Variants in KIFAP3 observed in about 807,000 individuals in gnomAD.
KIFAP3 encodes kinesin associated protein 3.
Under a neutral mutation model 106.5 loss-of-function variants are expected in KIFAP3, and 68 were observed. The ratio of observed to expected loss-of-function variants is 0.64; its 90% CI spans 0.53 to 0.78. The LOEUF is 0.78. Among genes scored for constraint, KIFAP3 ranks in the 30% least tolerant of loss-of-function variants. The pLI is 0.00. For missense variants in KIFAP3, 780 were observed against 941.8 expected (o/e 0.83, Z 2.25); for synonymous variants, 320 against 311.5 (o/e 1.03, Z -0.29).
intron 19 of KIFAP3, among the ~76,000 whole-genome samples, chr1:169,930,665 T>G (rs1385661537): frequency 6.6e-6 from 1 of 152,202 alleles, no homozygotes. Flanking sequence ...GAGAAAAAAT[T>G]GAAATTCCAG....
intron 19 of KIFAP3, among the ~76,000 whole-genome samples, chr1:169,939,197 T>A (rs549243811): frequency 6.6e-6 from 1 of 152,188 alleles, no homozygotes; most frequent in South Asian, 2.1e-4. Flanking sequence ...CAGATGATGG[T>A]GGCATGGAAT....
intron 2 of KIFAP3, among the ~76,000 whole-genome samples, chr1:170,049,185 C>T (rs1670442674): frequency 2.0e-5 from 3 of 152,258 alleles, no homozygotes; most frequent in South Asian, 2.1e-4. Context: ...TAGTTTTCCC[C>T]GGACAGTGCT....
intron 10 of KIFAP3, among the ~76,000 whole-genome samples, chr1:169,997,538 C>T (rs1010625489): frequency 3.3e-5 from 5 of 151,868 alleles, no homozygotes; most frequent in Non-Finnish European, 5.9e-5. Flanking sequence ...AGCCTATGGC[C>T]GAGCCACTTA....
At chr1:169,930,746 GTGTTTTTTTGTCA>G (rs1663417089) in intron 19 of KIFAP3, among the ~76,000 whole-genome samples, 1 of 151,980 alleles carries the variant, frequency 6.6e-6, no homozygotes, top group Non-Finnish European at 1.5e-5. Context: ...ATTCCGGTTG[GTGTTTTTTTGTCA>G]TTGGGGTATT....
intron 19 of KIFAP3, among the ~76,000 whole-genome samples, chr1:169,927,988 A>G (rs1185170909): frequency 6.6e-6 from 1 of 152,212 alleles, no homozygotes; most frequent in Non-Finnish European, 1.5e-5. Flanking sequence ...AATCATGAAC[A>G]CTGAAGAACC....
At chr1:170,014,422 A>G (rs758521873) in intron 10 of KIFAP3, among the ~76,000 whole-genome samples, 1 of 152,214 alleles carries the variant, frequency 6.6e-6, no homozygotes, top group South Asian at 2.1e-4. Flanking sequence ...GCTATGCCTT[A>G]GGTAATGTTT....
At chr1:169,984,547 T>A (rs1159316162) in intron 12 of KIFAP3, 35 bp downstream of exon 12, 1 of 961,336 alleles carries the variant, frequency 1.0e-6, no homozygotes, top group African/African-American at 1.6e-5. Flanking sequence ...AAATACCATA[T>A]GCTAAAAAAG....
chr1:170,054,053 G>A (rs1670714383), intron 2 of KIFAP3, among the ~76,000 whole-genome samples: 1 of 152,134 alleles, frequency 6.6e-6, no homozygotes, highest in Non-Finnish European at 1.5e-5. Flanking sequence ...AGAGTGAACA[G>A]GAAACCTACA....
chr1:170,049,894 G>A (rs185205320), intron 2 of KIFAP3, among the ~76,000 whole-genome samples: 48 of 151,530 alleles, frequency 3.2e-4, no homozygotes, highest in African/African-American at 8.7e-4. Flanking sequence ...AAAAACCAGC[G>A]CAAAAATGCT....
chr1:169,972,970 G>A (rs1479130095), intron 16 of KIFAP3, among the ~76,000 whole-genome samples: 1 of 150,436 alleles, frequency 6.6e-6, no homozygotes, highest in Non-Finnish European at 1.5e-5. Flanking sequence ...TAAAAATTCA[G>A]GAAAACTAAT....
intron 16 of KIFAP3, among the ~76,000 whole-genome samples, chr1:169,974,329 A>G (rs1408554956): frequency 2.0e-5 from 3 of 152,028 alleles, no homozygotes; most frequent in Admixed American, 2.0e-4. Context: ...AAACTCTAGC[A>G]CATGTACACA....
intron 17 of KIFAP3, among the ~76,000 whole-genome samples, chr1:169,963,459 G>T (rs997093343): frequency 6.6e-6 from 1 of 151,956 alleles, no homozygotes; most frequent in East Asian, 1.9e-4. Context: ...TATTCCTTTG[G>T]GTATATACCC....
chr1:170,042,442 A>G (rs1278361158), intron 3 of KIFAP3, among the ~76,000 whole-genome samples: 1 of 152,208 alleles, frequency 6.6e-6, no homozygotes, highest in Non-Finnish European at 1.5e-5. Context: ...AAGGTAAAAA[A>G]TCACTGTCTC....
intron 10 of KIFAP3, among the ~76,000 whole-genome samples, chr1:170,012,097 A>C (rs1490781181): frequency 6.6e-6 from 1 of 152,154 alleles, no homozygotes; most frequent in African/African-American, 2.4e-5. Flanking sequence ...AAAAATATAC[A>C]ATTCAAATAA....
chr1:169,961,673 C>T (rs148222390), intron 17 of KIFAP3, among the ~76,000 whole-genome samples: 138 of 152,196 alleles, frequency 9.1e-4, no homozygotes, highest in Middle Eastern at 6.8e-3. Context: ...AAGCCCTCCT[C>T]TTCTTTCTCC....
intron 9 of KIFAP3, among the ~76,000 whole-genome samples, chr1:170,023,884 G>T (rs891163743): frequency 6.6e-6 from 1 of 151,982 alleles, no homozygotes; most frequent in African/African-American, 2.4e-5. Flanking sequence ...AATAAAGAGG[G>T]TATCAATTAA....
At chr1:169,959,955 GA>G (rs1665233035) in intron 18 of KIFAP3, among the ~76,000 whole-genome samples, 1 of 152,038 alleles carries the variant, frequency 6.6e-6, no homozygotes, top group South Asian at 2.1e-4. Flanking sequence ...CAGTTAGGAA[GA>G]AATCTATTTG....
chr1:169,950,855 C>T (rs188173185), intron 19 of KIFAP3, among the ~76,000 whole-genome samples: 24 of 151,982 alleles, frequency 1.6e-4, no homozygotes, highest in Admixed American at 8.5e-4. Context: ...TTTAAAATTT[C>T]ACATTATGCA....
At chr1:169,990,110 G>A (rs1667022923) in intron 11 of KIFAP3, 5 of 1,468,040 alleles carry the variant, frequency 3.4e-6, no homozygotes, top group African/African-American at 1.4e-5. Context: ...AAAATAGAGC[G>A]ATTTACTCTT....
Sources: allele counts gnomAD v4.1 joint callset (sites outside exome capture counted in the v4.1 genomes callset), GRCh38; gene constraint gnomAD v4.1.1; transcripts MANE v1.5; gene names NCBI Gene and HGNC (gene_info 2026-07-23, HGNC 2026-07-21).